The following THSD7A variants were observed in gnomAD, a reference collection of about 807,000 sequenced individuals.
THSD7A encodes the protein thrombospondin type 1 domain containing 7A, also known as thrombospondin type-1 domain-containing protein 7A.
Under a neutral mutation model 231.3 loss-of-function variants are expected in THSD7A, and 96 were observed. The ratio of observed to expected loss-of-function variants is 0.41; its 90% CI spans 0.35 to 0.49. The LOEUF (loss-of-function observed/expected upper bound fraction) is 0.49. THSD7A is among the 20% of genes least tolerant of loss of function. The pLI is 0.05. For missense variants in THSD7A, 2,290 were observed against 2,070.2 expected, an observed-to-expected ratio of 1.11 and a Z score of -2.06; for synonymous variants, 940 against 743.3, an observed-to-expected ratio of 1.26 and a Z score of -4.30.
At chr7:11,618,967 G>A (rs1268596927) in intron 2 of THSD7A, among the ~76,000 whole-genome samples, 2 of 151,606 alleles carry the variant, frequency 1.3e-5, no homozygotes, top group Non-Finnish European at 2.9e-5. Context: ...TTAATGAATC[G>A]TTCTCAATCC....
At chr7:11,651,793 C>A (rs1345682714) in intron 1 of THSD7A, among the ~76,000 whole-genome samples, 1 of 151,698 alleles carries the variant, frequency 6.6e-6, no homozygotes, top group Non-Finnish European at 1.5e-5. Context: ...TCAGAAATGC[C>A]CATTATCATC....
In THSD7A at chr7:11,636,312, ATTC is replaced by A. The variant is rs762937528; in HGVS notation, c.837_839del (p.Lys279del). 17 of 1,613,590 alleles carry A rather than the reference ATTC, an allele frequency of 1.1e-5. No homozygotes were observed. Among genetic ancestry groups the A allele is most frequent in the Non-Finnish European group, 1.4e-5 (17 of 1,179,826 alleles). On this transcript the variant is annotated inframe_deletion, in exon 2 of 28. Transcript: ENST00000423059. This position sits in a 1 kb window ranked among gnomAD's most constrained non-coding sequence, Gnocchi z 10.0. Reference sequence around the variant, plus strand: ...TGCTGCGGTCCTTTTCCCGTTCTTTATTCTTCCCGCGTCTCCTTGCTTGTCTTA... The same window carrying A: ...TGCTGCGGTCCTTTTCCCGTTCTTTATTCCCGCGTCTCCTTGCTTGTCTTA...
chr7:11,446,259 A>G lies in THSD7A; in HGVS notation c.2866T>C (p.Cys956Arg), dbSNP rs1399439032. ...TGTGCATTATATTTGTCACAAGGAC[A>G]ATACTGAGTCTCAATCAGGGGATAC... ...HLYPLIETQYCPCDKYNAQPV... is the reference protein window; with the variant it reads ...HLYPLIETQYRPCDKYNAQPV... The change falls in exon 13 of 28, where the codon TGT (cysteine) becomes CGT (arginine). Residue 956 changes from cysteine (C) to arginine (R), a missense_variant. Coordinates refer to ENST00000423059, the MANE Select transcript of THSD7A (RefSeq NM_015204.3). This position sits in a 1 kb window ranked among gnomAD's most constrained non-coding sequence, Gnocchi z 4.0. 1 of 1,613,476 alleles carries G rather than the reference A, an allele frequency of 6.2e-7. No individual in the cohort carries two copies.
intron 23 of THSD7A, among the ~76,000 whole-genome samples, chr7:11,398,600 A>C (rs1783281696): frequency 6.6e-6 from 1 of 152,216 alleles, no homozygotes; most frequent in South Asian, 2.1e-4. Flanking sequence ...CTTATAAAAA[A>C]AAAGATTTCA....
intron 1 of THSD7A, among the ~76,000 whole-genome samples, chr7:11,781,227 G>T (rs1342907905): frequency 6.6e-6 from 1 of 151,620 alleles, no homozygotes; most frequent in Admixed American, 6.6e-5. Flanking sequence ...GCTTGAAGCC[G>T]GGTGTACAAG....
At chr7:11,646,223 C>A (rs1782274896) in intron 1 of THSD7A, among the ~76,000 whole-genome samples, 1 of 151,980 alleles carries the variant, frequency 6.6e-6, no homozygotes. Context: ...CACTGCCAAT[C>A]TACAAAACAA....
At chr7:11,670,175 T>C (rs1783322731) in intron 1 of THSD7A, among the ~76,000 whole-genome samples, 1 of 152,160 alleles carries the variant, frequency 6.6e-6, no homozygotes, top group African/African-American at 2.4e-5. Context: ...ATAGTTCAAT[T>C]TGGCTATCAT....
chr7:11,673,545 G>C (rs926052472), intron 1 of THSD7A, among the ~76,000 whole-genome samples: 14 of 152,234 alleles, frequency 9.2e-5, no homozygotes, highest in African/African-American at 2.9e-4. Flanking sequence ...GGACCAAGGT[G>C]CATCTGATCC....
chr7:11,771,017 C>T (rs1332865032), intron 1 of THSD7A, among the ~76,000 whole-genome samples: 1 of 151,142 alleles, frequency 6.6e-6, no homozygotes, highest in African/African-American at 2.4e-5. Flanking sequence ...AAGATAATTT[C>T]ATCATAAAAG....
chr7:11,626,283 T>C (rs1397709399), intron 2 of THSD7A, among the ~76,000 whole-genome samples: 1 of 152,096 alleles, frequency 6.6e-6, no homozygotes, highest in African/African-American at 2.4e-5. Flanking sequence ...ATAATAGTAA[T>C]TATGCAATAA....
intron 1 of THSD7A, among the ~76,000 whole-genome samples, chr7:11,762,099 G>A: frequency 6.6e-6 from 1 of 152,102 alleles, no homozygotes; most frequent in Non-Finnish European, 1.5e-5. Context: ...TTTTATCGCT[G>A]CATAGTATTC....
At chr7:11,468,800 C>G (rs1785814808) in intron 9 of THSD7A, among the ~76,000 whole-genome samples, 1 of 152,048 alleles carries the variant, frequency 6.6e-6, no homozygotes, top group Non-Finnish European at 1.5e-5. Flanking sequence ...AGCCACTGTA[C>G]TCCAGCCTGG....
intron 1 of THSD7A, among the ~76,000 whole-genome samples, chr7:11,681,712 T>C (rs923358298): frequency 6.6e-6 from 1 of 151,838 alleles, no homozygotes; most frequent in African/African-American, 2.4e-5. Context: ...CATGAAAAAT[T>C]TCCCAACCTC....
chr7:11,518,650 T>C (rs927155418), intron 6 of THSD7A, among the ~76,000 whole-genome samples: 1 of 151,384 alleles, frequency 6.6e-6, no homozygotes, highest in Non-Finnish European at 1.5e-5. Context: ...CATAGATTTC[T>C]TTTCCCTGAA....
At position 11,632,139 on chromosome 7, in the gene THSD7A, C is replaced by G. The variant is rs924083249; in HGVS notation, c.1022+3991G>C. 1.1e-4 allele frequency among the ~76,000 whole-genome samples: 16 copies of G among 151,930 alleles called. No individual in the cohort carries two copies. Among genetic ancestry groups the G allele is most frequent in the African/African-American group, 3.9e-4 (16 of 41,356 alleles). ...GCACTTAATTATCTTGTGAAGTTAG[C>G]CTTTCCTCTCTCTTTATTTTTCAGT... is the stretch of plus-strand genomic sequence containing the variant. On this transcript the variant is annotated intron_variant, in intron 2 of 27. Transcript: ENST00000423059. The surrounding 1 kb of genome is among the most constrained non-coding windows in gnomAD (Gnocchi z 4.1).
intron 1 of THSD7A, among the ~76,000 whole-genome samples, chr7:11,772,112 C>T (rs1295786429): frequency 6.6e-5 from 10 of 152,154 alleles, no homozygotes; most frequent in African/African-American, 1.9e-4. Context: ...AATGTGAGAA[C>T]AGACTAATAC....
chr7:11,535,214 T>G (rs1248057665), intron 6 of THSD7A, among the ~76,000 whole-genome samples: 1 of 152,160 alleles, frequency 6.6e-6, no homozygotes, highest in Non-Finnish European at 1.5e-5. Flanking sequence ...ATCCTACTCT[T>G]TGCTACAACA....
chr7:11,616,897 A>G (rs1306602641), intron 2 of THSD7A, among the ~76,000 whole-genome samples: 2 of 152,214 alleles, frequency 1.3e-5, no homozygotes, highest in Non-Finnish European at 2.9e-5. Flanking sequence ...TTTTGATTTT[A>G]TTGTGTACAG....
intron 6 of THSD7A, among the ~76,000 whole-genome samples, chr7:11,506,964 C>T (rs969991779): frequency 9.2e-5 from 14 of 152,128 alleles, no homozygotes; most frequent in African/African-American, 3.4e-4. Context: ...TCTCTTCTCC[C>T]TACAATGTAA....
Sources: allele counts gnomAD v4.1 joint callset (sites outside exome capture counted in the v4.1 genomes callset), GRCh38; gene constraint gnomAD v4.1.1; non-coding constraint Gnocchi (gnomAD v3.1); transcripts MANE v1.5; gene names NCBI Gene and HGNC (gene_info 2026-07-23, HGNC 2026-07-21).